The following PANX1 variants were observed in gnomAD, a reference collection of about 807,000 sequenced individuals.
PANX1 encodes pannexin 1.
A neutral mutation model predicts 38.7 loss-of-function variants in PANX1; 30 were observed. The observed-to-expected ratio is 0.78, with a 90% CI of 0.58 to 1.05. The LOEUF (loss-of-function observed/expected upper bound fraction) is 1.05. Ranked by LOEUF, PANX1 falls within the 50% of genes least tolerant of loss-of-function variation. PANX1 has a pLI of 0.00. For missense variants in PANX1, 551 were observed against 517.2 expected, an observed-to-expected ratio of 1.07 and a Z score of -0.63; for synonymous variants, 230 against 212.2, an observed-to-expected ratio of 1.08 and a Z score of -0.73.
rs1023867181 is a variant in PANX1, at chr11:94,170,230, AGCCCCT to A, written c.322-8137_322-8132del. 1.4e-4 allele frequency among the ~76,000 whole-genome samples: 21 copies of A among 151,446 alleles called. 1 individual carries two copies. The highest frequency in any genetic ancestry group is 5.1e-4 in the African/African-American group (21 of 40,830). ...TAATTTTCCATTTCCCCATCCCCCCAGCCCCTGGCAACCTCCATTCTGTTTTCTGTC... is the reference window on the plus strand; with the variant it reads ...TAATTTTCCATTTCCCCATCCCCCCAGGCAACCTCCATTCTGTTTTCTGTC... On this transcript the variant is annotated intron_variant, in intron 2 of 4. Transcript: ENST00000227638.
chr11:94,178,381 A>G lies in PANX1; in HGVS notation c.334A>G (p.Ile112Val). The change falls in exon 3 of 5, where the codon ATC becomes GTC. Residue 112 changes from isoleucine (I) to valine (V), a missense_variant. By Grantham distance (29) the Ile-to-Val change is conservative. Coordinates refer to ENST00000227638, the MANE Select transcript of PANX1 (RefSeq NM_015368.4). ...PLWLHKFFPY[I>V]LLLFAILLYL... ...TCTTGTTTTTCAGTTTTTCCCCTAC[A>G]TCCTGCTGCTCTTTGCGATCCTCCT... The G allele has an allele frequency of 6.2e-7, 1 of 1,613,786 alleles. No homozygotes were observed. Among genetic ancestry groups the G allele is most frequent in the South Asian group, 1.1e-5 (1 of 91,052 alleles).
chr11:94,178,592 G>A lies in PANX1; in HGVS notation c.545G>A (p.Ser182Asn). 6.2e-7 allele frequency: 1 copy of A among 1,611,316 alleles called. No individual in the cohort carries two copies. The highest frequency in any genetic ancestry group is 8.5e-7 in the Non-Finnish European group (1 of 1,177,582). Residue 182 changes from serine (S) to asparagine (N), a missense_variant and splice_region_variant, in exon 3 of 5, where the codon AGT (serine) becomes AAT (asparagine). Ser to Asn is a conservative substitution (Grantham distance 46). Transcript: ENST00000227638. ...VPGVTENLGQ[S>N]LWEVSESHFK... ...GGTGTTACCGAGAACTTAGGGCAAA[G>A]GTAACTTAGCCCCAGCAGGCAGCTC...
chr11:94,148,144 A>C (rs1001413442), intron 1 of PANX1, among the ~76,000 whole-genome samples: 7 of 152,188 alleles, frequency 4.6e-5, no homozygotes, highest in African/African-American at 1.7e-4. Context: ...TAAAACATGC[A>C]TGTGCCTCAG....
intron 2 of PANX1, among the ~76,000 whole-genome samples, chr11:94,162,936 A>G (rs1487706411): frequency 2.2e-5 from 3 of 139,448 alleles, no homozygotes; most frequent in Admixed American, 7.9e-5. Flanking sequence ...TAGTGGCACA[A>G]ACATGGCTCA....
At chr11:94,153,170 C>G (rs565209019) in intron 1 of PANX1, among the ~76,000 whole-genome samples, 1 of 152,296 alleles carries the variant, frequency 6.6e-6, no homozygotes, top group East Asian at 1.9e-4. Flanking sequence ...CCAAACTAAA[C>G]CAGGTCTCTC....
chr11:94,161,035 G>T (rs1947024869), intron 2 of PANX1, among the ~76,000 whole-genome samples: 1 of 152,292 alleles, frequency 6.6e-6, no homozygotes, highest in Non-Finnish European at 1.5e-5. Flanking sequence ...TTTTCTTTAA[G>T]AATGTTGAAT....
intron 2 of PANX1, among the ~76,000 whole-genome samples, chr11:94,171,577 C>A (rs1352814023): frequency 6.6e-6 from 1 of 151,546 alleles, no homozygotes; most frequent in East Asian, 1.9e-4. Context: ...AGCATCCTGA[C>A]AAAGGATGGG....
intron 2 of PANX1, among the ~76,000 whole-genome samples, chr11:94,167,489 A>T (rs1947115845): frequency 6.6e-6 from 1 of 152,212 alleles, no homozygotes; most frequent in Admixed American, 6.5e-5. Flanking sequence ...GGTTTTTCAC[A>T]TATGATATTC....
chr11:94,136,282 G>A (rs949740974), intron 1 of PANX1, among the ~76,000 whole-genome samples: 1 of 152,126 alleles, frequency 6.6e-6, no homozygotes, highest in Non-Finnish European at 1.5e-5. Flanking sequence ...GAAGCATTTT[G>A]ATGTGCTCTT....
chr11:94,130,738 G>A (rs1946620395), intron 1 of PANX1, among the ~76,000 whole-genome samples: 1 of 152,110 alleles, frequency 6.6e-6, no homozygotes. Context: ...GTATTTAATA[G>A]GCCATGAACG....
chr11:94,148,101 G>C (rs2134488066), intron 1 of PANX1, among the ~76,000 whole-genome samples: 1 of 152,270 alleles, frequency 6.6e-6, no homozygotes, highest in African/African-American at 2.4e-5. Flanking sequence ...TTTAGTTTGG[G>C]CTGCGGAGGG....
In PANX1 at chr11:94,165,426, C is replaced by A. The variant is rs79017279; in HGVS notation, c.321+11796C>A. Reference sequence around the variant, plus strand: ...GTTTGTTACTAATGAGCAAAATAACCAGCTAACATCATAATGACAGGATCA... The same window carrying A: ...GTTTGTTACTAATGAGCAAAATAACAAGCTAACATCATAATGACAGGATCA... On this transcript the variant is annotated intron_variant, in intron 2 of 4. Coordinates refer to ENST00000227638, the MANE Select transcript of PANX1 (RefSeq NM_015368.4). 4.1e-3 allele frequency among the ~76,000 whole-genome samples: 617 copies of A among 151,822 alleles called. 5 individuals carry two copies. The highest frequency in any genetic ancestry group is 0.014 in the African/African-American group (585 of 41,418).
At chr11:94,180,591 T>G (rs1947294530) in intron 4 of PANX1, among the ~76,000 whole-genome samples, 199 bp from the exon 5 acceptor site, 1 of 152,236 alleles carries the variant, frequency 6.6e-6, no homozygotes, top group African/African-American at 2.4e-5. Context: ...GGCTTTCCTT[T>G]CTACCTCTGA....
At chr11:94,155,439 G>A (rs1183914754) in intron 2 of PANX1, among the ~76,000 whole-genome samples, 1 of 151,774 alleles carries the variant, frequency 6.6e-6, no homozygotes, top group Admixed American at 6.6e-5. Flanking sequence ...ACTTGAATGC[G>A]GGAGGTAGAG....
At chr11:94,130,509 A>G (rs1411281647) in intron 1 of PANX1, among the ~76,000 whole-genome samples, 2 of 136,760 alleles carry the variant, frequency 1.5e-5, no homozygotes, top group African/African-American at 5.5e-5. Flanking sequence ...TGATGGTTTC[A>G]GAACTGTGAA....
In PANX1 at chr11:94,157,152, A is replaced by G. The variant is rs371253391; in HGVS notation, c.321+3522A>G. ...TTGTTGGACATTTGGGTTGGTTCCA[A>G]GTCTTTGCTATTGTGAATAGTGCCA... On this transcript the variant is annotated intron_variant, in intron 2 of 4. Transcript: ENST00000227638. Among the ~76,000 whole-genome samples, 1,360 of 152,128 alleles carry G rather than the reference A, an allele frequency of 8.9e-3. 11 individuals are homozygous for G. The highest frequency in any genetic ancestry group is 0.017 in the Middle Eastern group (5 of 292).
rs1437452773 is a variant in PANX1, at chr11:94,164,459, C to T, written c.321+10829C>T. On this transcript the variant is annotated intron_variant, in intron 2 of 4. Transcript: ENST00000227638. Reference sequence around the variant, plus strand: ...TTTATTCTTAATCTCTTCATTGACCCAGTGGTCATTCAGGAGCATATTAAT... The same window carrying T: ...TTTATTCTTAATCTCTTCATTGACCTAGTGGTCATTCAGGAGCATATTAAT... Among the ~76,000 whole-genome samples the T allele has an allele frequency of 3.3e-5, 5 of 152,128 alleles. No individual in the cohort carries two copies. In the East Asian group the frequency reaches 5.8e-4, roughly 18 times the overall value.
chr11:94,162,277 T>A (rs1450565491), intron 2 of PANX1, among the ~76,000 whole-genome samples: 1 of 152,144 alleles, frequency 6.6e-6, no homozygotes, highest in Admixed American at 6.5e-5. Flanking sequence ...TCTGCAGAGG[T>A]TTCTGCTGCC....
chr11:94,129,260 T>C lies in PANX1; in HGVS notation c.-53T>C, dbSNP rs1946595932. 1.3e-6 allele frequency: 2 copies of C among 1,519,074 alleles called. No individual in the cohort carries two copies. The highest frequency in any genetic ancestry group is 1.8e-6 in the Non-Finnish European group (2 of 1,116,122). The allele number at this position is 1,519,074 out of a possible 1,614,324, so 94.1% of individuals were successfully genotyped here. A position where few individuals can be genotyped will look rare whatever the true frequency, so the allele number is the denominator to read the frequency against. On this transcript the variant is annotated 5_prime_UTR_variant, in exon 1 of 5. Coordinates refer to ENST00000227638, the MANE Select transcript of PANX1 (RefSeq NM_015368.4). Reference sequence around the variant, plus strand: ...ACTGGGTGAAGGCGCCGCGCAGCTTTCCCGACGCCGGCTGTACCCGGACCT... The same window carrying C: ...ACTGGGTGAAGGCGCCGCGCAGCTTCCCCGACGCCGGCTGTACCCGGACCT...
Sources: gnomAD v4.1 joint callset for allele counts (sites outside exome capture counted in the v4.1 genomes callset) on GRCh38, gnomAD v4.1.1 for gene constraint, MANE v1.5 for transcripts, NCBI Gene and HGNC (gene_info 2026-07-23, HGNC 2026-07-21) for gene names.